Variants in TP53BP2 observed in about 807,000 individuals in gnomAD.
The protein encoded by TP53BP2 is apoptosis-stimulating of p53 protein 2.
In TP53BP2, 62 loss-of-function variants were observed where a neutral mutation model predicts 126.2. The ratio of observed to expected loss-of-function variants is 0.49; its 90% CI spans 0.40 to 0.61. The LOEUF (loss-of-function observed/expected upper bound fraction) is 0.61. TP53BP2 is among the 20% of genes least tolerant of loss of function. The pLI is 0.00. For synonymous variants in TP53BP2, 485 were observed against 502.9 expected (o/e 0.96, Z 0.48); for missense variants, 1,215 against 1,402.8 (o/e 0.87, Z 2.14).
Position 223,780,162 on chromosome 1 carries a change from G to C in TP53BP2, c.*691C>G, listed in dbSNP as rs1273313211. ...GACAAATATTACGGGTAAGTCTGTA[G>C]CAAGTTTCTAATTTCTGAGATACAA... On this transcript the variant is annotated 3_prime_UTR_variant, in exon 18 of 18. Coordinates refer to ENST00000343537, the MANE Select transcript of TP53BP2 (RefSeq NM_001031685.3). 1.3e-5 allele frequency: 2 copies of C among 152,176 alleles called. No homozygotes were observed. The highest frequency in any genetic ancestry group is 2.9e-5 in the Non-Finnish European group (2 of 68,036). 9.4% of individuals were successfully genotyped at this position (152,176 alleles called of 1,614,324 possible).
chr1:223,787,002 TCTC>T (rs1346216176), intron 16 of TP53BP2, among the ~76,000 whole-genome samples: 1 of 151,976 alleles, frequency 6.6e-6, no homozygotes, highest in African/African-American at 2.4e-5. Context: ...TTCAAACAGT[TCTC>T]CTGCCTCGGC....
At chr1:223,797,358 C>T (rs184164756) in intron 12 of TP53BP2, among the ~76,000 whole-genome samples, 2 of 151,916 alleles carry the variant, frequency 1.3e-5, no homozygotes, top group African/African-American at 2.4e-5. Flanking sequence ...ATTTAGCTAG[C>T]GGCTATGTCC....
At chr1:223,835,224 C>G (rs756509055) in intron 1 of TP53BP2, among the ~76,000 whole-genome samples, 18 of 152,226 alleles carry the variant, frequency 1.2e-4, no homozygotes, top group Non-Finnish European at 1.9e-4. Flanking sequence ...GACAATGTCT[C>G]AAAGAATTCT....
intron 3 of TP53BP2, among the ~76,000 whole-genome samples, chr1:223,811,982 G>A (rs186111146): frequency 6.6e-6 from 1 of 151,022 alleles, no homozygotes; most frequent in East Asian, 1.9e-4. Flanking sequence ...TAGATGAATG[G>A]GTAAAATTCA....
chr1:223,807,920 T>C (rs1252267224), intron 4 of TP53BP2, among the ~76,000 whole-genome samples: 1 of 152,114 alleles, frequency 6.6e-6, no homozygotes, highest in African/African-American at 2.4e-5. Context: ...TTTGTAAAAA[T>C]TGATGTTGAT....
At chr1:223,842,622 A>C (rs943615500) in intron 1 of TP53BP2, among the ~76,000 whole-genome samples, 6 of 152,252 alleles carry the variant, frequency 3.9e-5, no homozygotes, top group African/African-American at 1.4e-4. Context: ...ATTTTTATGA[A>C]ACTATCAGCT....
chr1:223,829,337 G>A (rs1185669379), intron 1 of TP53BP2, among the ~76,000 whole-genome samples: 5 of 152,104 alleles, frequency 3.3e-5, no homozygotes, highest in Admixed American at 2.0e-4. Flanking sequence ...TATATGTTTA[G>A]TACTCTATTA....
chr1:223,815,996 C>A (rs1406243753), intron 2 of TP53BP2, among the ~76,000 whole-genome samples: 1 of 152,182 alleles, frequency 6.6e-6, no homozygotes, highest in African/African-American at 2.4e-5. Flanking sequence ...ACAAATTTCT[C>A]GGCACGTATC....
At chr1:223,813,311 C>T (rs916195772) in intron 3 of TP53BP2, among the ~76,000 whole-genome samples, 1 of 152,178 alleles carries the variant, frequency 6.6e-6, no homozygotes, top group African/African-American at 2.4e-5. Context: ...TTCAGGGCCC[C>T]ACCTGGGACC....
Position 223,845,817 on chromosome 1 carries a change from T to G in TP53BP2, c.-137A>C, listed in dbSNP as rs1382289034. 2 of 702,866 alleles carry G rather than the reference T, an allele frequency of 2.8e-6. No homozygotes were observed. Among genetic ancestry groups the G allele is most frequent in the East Asian group, 8.5e-5 (2 of 23,538 alleles). 43.5% of individuals were successfully genotyped at this position (702,866 alleles called of 1,614,324 possible). A position where few individuals can be genotyped will look rare whatever the true frequency, so the allele number is the denominator to read the frequency against. ...GGCGGCGGCAGCGGCGGCGCGCGGG[T>G]CCGAAGGGCCCTCCGCGCGGGCTGG... On this transcript the variant is annotated 5_prime_UTR_variant, in exon 1 of 18. Transcript: ENST00000343537.
chr1:223,803,065 C>A, intron 7 of TP53BP2, 170 bp from the exon 8 acceptor site: 1 of 877,436 alleles, frequency 1.1e-6, no homozygotes. Flanking sequence ...GCAAGACCAC[C>A]AGCTGTGGTT....
intron 2 of TP53BP2, 95 bp downstream of exon 2, chr1:223,821,125 C>T (rs1365131961): frequency 1.0e-5 from 15 of 1,484,964 alleles, no homozygotes; most frequent in African/African-American, 5.6e-5. Context: ...AGTTTCTCCC[C>T]GGAGAAACAT....
intron 15 of TP53BP2, among the ~76,000 whole-genome samples, chr1:223,790,759 G>A (rs1024418913): frequency 9.2e-5 from 14 of 151,662 alleles, no homozygotes; most frequent in African/African-American, 3.4e-4. Context: ...ACACACCAGC[G>A]CACCTAGCTA....
At chr1:223,820,375 T>C (rs567412680) in intron 2 of TP53BP2, among the ~76,000 whole-genome samples, 1 of 152,360 alleles carries the variant, frequency 6.6e-6, no homozygotes, top group East Asian at 1.9e-4. Flanking sequence ...TGAAATTATC[T>C]AATTTTCATT....
chr1:223,812,791 T>C (rs1662956141), intron 3 of TP53BP2, among the ~76,000 whole-genome samples: 1 of 152,112 alleles, frequency 6.6e-6, no homozygotes, highest in Non-Finnish European at 1.5e-5. Context: ...CTCGATCTCC[T>C]GACTTCGTGA....
At chr1:223,817,330 G>T (rs1188168328) in intron 2 of TP53BP2, among the ~76,000 whole-genome samples, 7 of 24,508 alleles carry the variant, frequency 2.9e-4, no homozygotes, top group African/African-American at 1.0e-3. Flanking sequence ...AGGGAAAGGA[G>T]GAGGGGGAGG....
intron 16 of TP53BP2, among the ~76,000 whole-genome samples, chr1:223,786,350 T>G (rs1386343655): frequency 6.6e-6 from 1 of 152,164 alleles, no homozygotes; most frequent in East Asian, 1.9e-4. Flanking sequence ...ATGTTCTGTC[T>G]CCTAAGGTGG....
intron 17 of TP53BP2, among the ~76,000 whole-genome samples, chr1:223,782,192 T>A (rs1216311311): frequency 6.6e-6 from 1 of 152,202 alleles, no homozygotes; most frequent in Non-Finnish European, 1.5e-5. Flanking sequence ...TTAGCTCAAT[T>A]TAGCCATTTT....
intron 1 of TP53BP2, chr1:223,834,978 T>C: frequency 2.3e-6 from 1 of 437,622 alleles, no homozygotes. Flanking sequence ...CTGGTTTTCC[T>C]CCTCCTACAT....
Sources: allele counts gnomAD v4.1 joint callset (sites outside exome capture counted in the v4.1 genomes callset), GRCh38; gene constraint gnomAD v4.1.1; transcripts MANE v1.5; gene names NCBI Gene and HGNC (gene_info 2026-07-23, HGNC 2026-07-21).